Variants in RNF213 observed in about 807,000 individuals in gnomAD.
RNF213 encodes E3 ubiquitin-protein ligase RNF213.
In RNF213, 341 loss-of-function variants were observed where a neutral mutation model predicts 514.4. The observed-to-expected ratio is 0.66, with a 90% CI of 0.61 to 0.73. The LOEUF is 0.73. RNF213 is among the 30% of genes least tolerant of loss of function. The probability of loss-of-function intolerance (pLI) is 0.00; values close to 1 mark genes in which losing one functional copy is unlikely to be tolerated. For synonymous variants in RNF213, 2,655 were observed against 2,658.2 expected (o/e 1.00, Z 0.04); for missense variants, 5,767 against 6,615.6 (o/e 0.87, Z 4.45).
At chr17:80,367,317 C>T (rs2079314355) in intron 42 of RNF213, among the ~76,000 whole-genome samples, 2 of 152,004 alleles carry the variant, frequency 1.3e-5, no homozygotes, top group African/African-American at 2.4e-5. Context: ...TGTTTTGTTT[C>T]TCTAAAAAAT....
Position 80,263,924 on chromosome 17 carries a change from G to C in RNF213, c.97+146G>C. The C allele has an allele frequency of 1.5e-6, 1 of 666,764 alleles. No homozygotes were observed. The highest frequency in any genetic ancestry group is 1.7e-5 in the South Asian group (1 of 59,598). 41.3% of individuals were successfully genotyped at this position (666,764 alleles called of 1,614,324 possible). Reference sequence around the variant, plus strand: ...GTGGCTACTGAGGCTCTGTGGCTCTGAATAGCCATCTCAAAAGTGACCACA... The same window carrying C: ...GTGGCTACTGAGGCTCTGTGGCTCTCAATAGCCATCTCAAAAGTGACCACA... On this transcript the variant is annotated intron_variant, in intron 2 of 67. Coordinates refer to ENST00000582970, the MANE Select transcript of RNF213 (RefSeq NM_001256071.3). This position sits in a 1 kb window ranked among gnomAD's most constrained non-coding sequence, Gnocchi z 4.9.
intron 25 of RNF213, 95 bp downstream of exon 25, chr17:80,338,092 G>A (rs2078041512): frequency 7.0e-7 from 1 of 1,419,672 alleles, no homozygotes; most frequent in Non-Finnish European, 9.6e-7. Flanking sequence ...ATTTGACTTG[G>A]GATTTGACTG....
rs911659421 is a variant in RNF213 at position 80,384,854 on chromosome 17, T to C, written c.14323-185T>C. 18 of 686,756 alleles carry C rather than the reference T, an allele frequency of 2.6e-5. No individual in the cohort carries two copies. In the Admixed American group the frequency reaches 3.6e-4, roughly 14 times the overall value. 42.5% of individuals were successfully genotyped at this position (686,756 alleles called of 1,614,324 possible). A position where few individuals can be genotyped will look rare whatever the true frequency, so the allele number is the denominator to read the frequency against. On this transcript the variant is annotated intron_variant, in intron 59 of 67. Transcript: ENST00000582970. ...TCGCCGCCCTCCATTTCTAGCACAC[T>C]GCACTGTCTGTAGACTTGTGGGAAG...
intron 15 of RNF213, among the ~76,000 whole-genome samples, chr17:80,313,395 C>T (rs751673947): frequency 9.9e-5 from 15 of 151,622 alleles, no homozygotes; most frequent in Non-Finnish European, 1.9e-4. Flanking sequence ...GTCCCCTGGC[C>T]GGGCACAGTC....
chr17:80,375,731 ATTC>A, intron 50 of RNF213, 26 bp from the exon 51 acceptor site: 1 of 1,494,354 alleles, frequency 6.7e-7, no homozygotes, highest in Non-Finnish European at 9.3e-7. Flanking sequence ...GAGCTTTTAA[ATTC>A]TTACTTGATA....
chr17:80,350,170 T>C, intron 30 of RNF213, 131 bp from the exon 31 acceptor site: 2 of 773,460 alleles, frequency 2.6e-6, no homozygotes, highest in African/African-American at 1.7e-5. Context: ...GACTATCTGT[T>C]CTTACTGAAG....
chr17:80,353,301 T>C lies in RNF213; in HGVS notation c.10424-211T>C, dbSNP rs1411039805. 6 of 777,958 alleles carry C rather than the reference T, an allele frequency of 7.7e-6. No individual in the cohort carries two copies. Among genetic ancestry groups the C allele is most frequent in the Non-Finnish European group, 1.3e-5 (6 of 472,832 alleles). The allele number at this position is 777,958 out of a possible 1,614,324, so 48.2% of individuals were successfully genotyped here. The stretch of plus-strand genomic sequence containing the variant: ...CAGGCCAGCCATGGAAGTGAGCACC[T>C]AGAACACGCCAGAGCCCAGGCTGGA... On this transcript the variant is annotated intron_variant, in intron 33 of 67. Transcript: ENST00000582970. This position sits in a 1 kb window ranked among gnomAD's most constrained non-coding sequence, Gnocchi z 5.0.
At chr17:80,283,090 C>G (rs561419263) in intron 3 of RNF213, among the ~76,000 whole-genome samples, 14 of 152,202 alleles carry the variant, frequency 9.2e-5, no homozygotes, top group African/African-American at 2.9e-4. Flanking sequence ...CTAAGCCTCA[C>G]CCCCCGTAAA....
intron 11 of RNF213, among the ~76,000 whole-genome samples, chr17:80,303,090 C>T (rs1031986535): frequency 2.6e-5 from 4 of 152,318 alleles, no homozygotes; most frequent in Non-Finnish European, 4.4e-5. Flanking sequence ...AAGTACTACT[C>T]AAGGCACAGC....
chr17:80,325,494 C>T (rs1330402399), intron 18 of RNF213, among the ~76,000 whole-genome samples: 1 of 152,040 alleles, frequency 6.6e-6, no homozygotes, highest in African/African-American at 2.4e-5. Flanking sequence ...CTTTAAGGCC[C>T]CCAGTTTTCA....
chr17:80,318,883 T>C (rs1372385682), intron 16 of RNF213, among the ~76,000 whole-genome samples: 1 of 152,228 alleles, frequency 6.6e-6, no homozygotes, highest in East Asian at 1.9e-4. Flanking sequence ...TATATGTAAC[T>C]GTTAAATGGA....
chr17:80,299,831 G>C (rs2045108558), intron 11 of RNF213, among the ~76,000 whole-genome samples: 1 of 152,090 alleles, frequency 6.6e-6, no homozygotes, highest in South Asian at 2.1e-4. Flanking sequence ...TCTCGTTCCT[G>C]AGTTAATTTG....
chr17:80,274,032 G>A (rs1255648922), intron 3 of RNF213, among the ~76,000 whole-genome samples: 5 of 152,156 alleles, frequency 3.3e-5, no homozygotes, highest in African/African-American at 9.7e-5. Flanking sequence ...GCTTCTGTGG[G>A]TCTCTTTGCA....
chr17:80,385,208 C>A (rs914873175), intron 60 of RNF213, 37 bp downstream of exon 60: 1 of 1,613,540 alleles, frequency 6.2e-7, no homozygotes. Context: ...GACTGTCCCG[C>A]ATTTGGCGGT....
Position 80,354,568 on chromosome 17 carries a change from C to A in RNF213, c.10854C>A (p.Gly3618=). 51 of 1,614,168 alleles carry A rather than the reference C, an allele frequency of 3.2e-5. No homozygotes were observed. Among genetic ancestry groups the A allele is most frequent in the Non-Finnish European group, 4.2e-5 (49 of 1,180,034 alleles). ...ACCAGGACGCTCTCCAGGAGGCGGG[C>A]ACATTCAGGTACTGTGACTAAAGGA... The part of the protein sequence containing the change: ...ACNQDALQEA[G]TFRHTLWKRV... Residue 3618 remains glycine (G), a synonymous_variant, in exon 36 of 68, where the codon GGC becomes GGA. Transcript: ENST00000582970.
chr17:80,268,205 T>C (rs543424245), intron 2 of RNF213, among the ~76,000 whole-genome samples: 1 of 152,078 alleles, frequency 6.6e-6, no homozygotes, highest in East Asian at 1.9e-4. Flanking sequence ...GGATAGTTGG[T>C]GGATTCCATA....
chr17:80,378,743 C>T (rs1432146468), intron 54 of RNF213, among the ~76,000 whole-genome samples: 6 of 152,164 alleles, frequency 3.9e-5, no homozygotes, highest in African/African-American at 1.4e-4. Context: ...AGAGTCTATC[C>T]AAGAATGCTC....
At chr17:80,361,670 T>A in intron 38 of RNF213, 64 bp from the exon 39 acceptor site, 1 of 1,593,414 alleles carries the variant, frequency 6.3e-7, no homozygotes, top group Non-Finnish European at 8.6e-7. Context: ...CGGAGCCCCC[T>A]GGAGGCAGGG....
chr17:80,367,509 TAAAAGA>T (rs2079323430), intron 42 of RNF213, among the ~76,000 whole-genome samples: 1 of 152,114 alleles, frequency 6.6e-6, no homozygotes, highest in African/African-American at 2.4e-5. Context: ...GAGGAGACCT[TAAAAGA>T]AAAAGAAGAG....
Sources: gnomAD v4.1 joint callset for allele counts (sites outside exome capture counted in the v4.1 genomes callset) on GRCh38, gnomAD v4.1.1 for gene constraint, Gnocchi (gnomAD v3.1) non-coding constraint, MANE v1.5 for transcripts, NCBI Gene and HGNC (gene_info 2026-07-23, HGNC 2026-07-21) for gene names.